Variants in ARHGEF16 observed in about 807,000 individuals in gnomAD.
The protein encoded by ARHGEF16 is Rho guanine exchange factor (GEF) 16.
A neutral mutation model predicts 74.1 loss-of-function variants in ARHGEF16; 59 were observed. That is an observed-to-expected ratio of 0.80 (90% CI 0.65 to 0.99). ARHGEF16 has a LOEUF of 0.99. ARHGEF16 is among the 50% of genes least tolerant of loss of function. ARHGEF16 has a pLI of 0.00. For synonymous variants in ARHGEF16, 415 were observed against 412.6 expected, an observed-to-expected ratio of 1.01 and a Z score of -0.07; for missense variants, 948 against 986.6, an observed-to-expected ratio of 0.96 and a Z score of 0.52.
Position 3,473,157 on chromosome 1 carries a change from G to A in ARHGEF16, c.1102G>A (p.Glu368Lys). 1 of 1,613,284 alleles carries A rather than the reference G, an allele frequency of 6.2e-7. No individual in the cohort carries two copies. The highest frequency in any genetic ancestry group is 1.3e-5 in the African/African-American group (1 of 75,062). The change falls in exon 7 of 15, where the codon GAG becomes AAG. Residue 368 changes from glutamate to lysine, a missense_variant. Physicochemically the swap from Glu to Lys is moderately conservative, Grantham distance 56. Coordinates refer to ENST00000378378, the MANE Select transcript of ARHGEF16 (RefSeq NM_014448.4). Reference protein sequence around the residue: ...DISDILEEHAEKHFHPYIAYC... With the variant: ...DISDILEEHAKKHFHPYIAYC... The stretch of plus-strand genomic sequence containing the variant: ...CAGTGACATCCTGGAGGAGCACGCT[G>A]AGAAGCACTTCCACCCCTACATCGC...
At chr1:3,462,102 G>A (rs1046693133) in intron 1 of ARHGEF16, among the ~76,000 whole-genome samples, 18 of 152,022 alleles carry the variant, frequency 1.2e-4, no homozygotes, top group African/African-American at 4.1e-4. Context: ...GTGTGGCGGG[G>A]GCGGGGCAGC....
chr1:3,467,260 G>A lies in ARHGEF16; in HGVS notation c.727G>A (p.Gly243Arg). ...CCTCGATGAGTCCTCCAGCCCCGAG[G>A]GAACCCAGAAGGTGGACGCCACCAT... ...DILDESSSPE[G>R]TQKVDATIVV... Residue 243 changes from glycine (G) to arginine (R), a missense_variant, in exon 4 of 15, where the codon GGA (glycine) becomes AGA (arginine). By Grantham distance (125) the Gly-to-Arg change is moderately radical. Coordinates refer to ENST00000378378, the MANE Select transcript of ARHGEF16 (RefSeq NM_014448.4). 1 of 1,550,500 alleles carries A rather than the reference G, an allele frequency of 6.4e-7. No individual in the cohort carries two copies.
chr1:3,462,543 C>T (rs978305848), intron 1 of ARHGEF16, among the ~76,000 whole-genome samples: 11 of 152,296 alleles, frequency 7.2e-5, no homozygotes, highest in African/African-American at 2.6e-4. Context: ...TGGCTGATGC[C>T]GGCCTCAGGA....
chr1:3,467,923 C>T (rs892492271), intron 4 of ARHGEF16, among the ~76,000 whole-genome samples: 5 of 151,944 alleles, frequency 3.3e-5, no homozygotes, highest in African/African-American at 9.7e-5. Context: ...GCGGGGAGGG[C>T]GGGCCCCCAC....
Position 3,468,916 on chromosome 1 carries a change from G to A in ARHGEF16, c.841G>A (p.Glu281Lys), listed in dbSNP as rs1435868096. ...GGGCATCCTGGACCAGCTCTCCACT[G>A]AGGAGCGGAAAAGGCAGGAGGTAAA... ...ELGILDQLSTEERKRQEAMFE... is the reference protein window; with the variant it reads ...ELGILDQLSTKERKRQEAMFE... The change falls in exon 5 of 15, where the codon GAG (glutamate) becomes AAG (lysine). Residue 281 changes from glutamate (E) to lysine (K), a missense_variant. Transcript: ENST00000378378. 1.3e-6 allele frequency: 2 copies of A among 1,550,344 alleles called. No homozygotes were observed. Among genetic ancestry groups the A allele is most frequent in the Admixed American group, 3.9e-5 (2 of 51,002 alleles).
Position 3,473,523 on chromosome 1 carries a change from GTAA to G in ARHGEF16, c.1305+2_1305+4del. Reference sequence around the variant, plus strand: ...GACCCGGCTGCCCCTCCTGATGGATGTAAGTCCACGGCCTGAGGGTGGGGCCGG... The same window carrying G: ...GACCCGGCTGCCCCTCCTGATGGATGGTCCACGGCCTGAGGGTGGGGCCGG... On this transcript the variant is annotated splice_donor_variant and splice_donor_region_variant and intron_variant, in intron 8 of 14. Coordinates refer to ENST00000378378, the MANE Select transcript of ARHGEF16 (RefSeq NM_014448.4). LOFTEE classifies it high-confidence loss of function. The G allele has an allele frequency of 6.2e-7, 1 of 1,606,988 alleles. No individual in the cohort carries two copies.
At chr1:3,472,408 C>A (rs1011302016) in intron 6 of ARHGEF16, among the ~76,000 whole-genome samples, 1 of 152,198 alleles carries the variant, frequency 6.6e-6, no homozygotes, top group Admixed American at 6.5e-5. Flanking sequence ...CTGGTAGCCC[C>A]TTCCAGGGAG....
At position 3,463,652 on chromosome 1, in the gene ARHGEF16, C is replaced by A; in HGVS notation, c.568C>A (p.Arg190=). The A allele has an allele frequency of 7.1e-7, 1 of 1,408,314 alleles. No homozygotes were observed. Among genetic ancestry groups the A allele is most frequent in the Non-Finnish European group, 9.3e-7 (1 of 1,075,032 alleles). The allele number at this position is 1,408,314 out of a possible 1,614,324, so 87.2% of individuals were successfully genotyped here. A position where few individuals can be genotyped will look rare whatever the true frequency, so the allele number is the denominator to read the frequency against. ...LAEEPSQPHT[R]SPAKNKKTLG... ...TGAGGAACCCAGCCAGCCTCATACTCGGAGCCCGGCCAAAAACAAGGTAGG... is the reference window on the plus strand; with the variant it reads ...TGAGGAACCCAGCCAGCCTCATACTAGGAGCCCGGCCAAAAACAAGGTAGG... The change falls in exon 2 of 15, where the codon CGG becomes AGG. Residue 190 remains arginine (R), a synonymous_variant. Transcript: ENST00000378378.
intron 13 of ARHGEF16, 92 bp from the exon 14 acceptor site, chr1:3,479,720 G>A (rs928660412): frequency 1.2e-5 from 18 of 1,559,682 alleles, no homozygotes; most frequent in South Asian, 3.4e-5. Flanking sequence ...GGGGTGCCCC[G>A]GCCCCGGGGG....
chr1:3,465,478 C>T (rs967658991), intron 2 of ARHGEF16, among the ~76,000 whole-genome samples: 2 of 149,548 alleles, frequency 1.3e-5, no homozygotes, highest in South Asian at 2.1e-4. Flanking sequence ...AGGTGGGGTG[C>T]GGGGCACGGG....
intron 1 of ARHGEF16, among the ~76,000 whole-genome samples, chr1:3,458,238 C>A (rs1195170741): frequency 6.6e-6 from 1 of 152,244 alleles, no homozygotes. Context: ...GGACAGCCAG[C>A]CAGCCAGCCT....
intron 1 of ARHGEF16, among the ~76,000 whole-genome samples, chr1:3,458,586 C>T (rs1429379399): frequency 6.6e-6 from 1 of 152,248 alleles, no homozygotes; most frequent in African/African-American, 2.4e-5. Flanking sequence ...GGTCAGACAC[C>T]TGTGCTCAGG....
At chr1:3,479,770 C>G (rs1196041392) in intron 13 of ARHGEF16, 42 bp from the exon 14 acceptor site, 2 of 1,598,710 alleles carry the variant, frequency 1.3e-6, no homozygotes, top group South Asian at 2.2e-5. Flanking sequence ...GAGCCTGGCC[C>G]ATGCCTCCCG....
chr1:3,467,509 G>A (rs776985482), intron 4 of ARHGEF16, among the ~76,000 whole-genome samples, 172 bp downstream of exon 4: 5 of 152,214 alleles, frequency 3.3e-5, no homozygotes, highest in Admixed American at 1.3e-4. Context: ...AGACCTGGGG[G>A]TCTCCCTCCT....
intron 3 of ARHGEF16, 42 bp downstream of exon 3, chr1:3,466,235 T>C: frequency 6.5e-7 from 1 of 1,528,090 alleles, no homozygotes. Flanking sequence ...GGGCTCCAGT[T>C]GAAACTGGTC....
At position 3,480,672 on chromosome 1, in the gene ARHGEF16, G is replaced by A. The variant is rs1422817181; in HGVS notation, c.*85G>A. On this transcript the variant is annotated 3_prime_UTR_variant, in exon 15 of 15. Transcript: ENST00000378378. ...TGGCTCTAGAGAGCGTGGGGAGCTG[G>A]TCTCAAGGACCCAGCATGGTTCCCT... is the stretch of plus-strand genomic sequence containing the variant. 1 of 1,518,254 alleles carries A rather than the reference G, an allele frequency of 6.6e-7. No individual in the cohort carries two copies. Among genetic ancestry groups the A allele is most frequent in the Non-Finnish European group, 8.8e-7 (1 of 1,132,054 alleles). The allele number at this position is 1,518,254 out of a possible 1,614,324, so 94.0% of individuals were successfully genotyped here.
intron 1 of ARHGEF16, among the ~76,000 whole-genome samples, chr1:3,455,569 A>G (rs1199985115): frequency 6.6e-6 from 1 of 152,102 alleles, no homozygotes; most frequent in Non-Finnish European, 1.5e-5. Flanking sequence ...AGTGGCAGCG[A>G]TGGCAGGTCT....
At chr1:3,472,442 C>T (rs1035720286) in intron 6 of ARHGEF16, among the ~76,000 whole-genome samples, 2 of 113,778 alleles carry the variant, frequency 1.8e-5, no homozygotes, top group Non-Finnish European at 1.7e-5. Context: ...CACAGCTGGC[C>T]CCCCCCCGGC....
chr1:3,476,147 AGCCTGAGGGCTGGAGAGTGGGTGCCTG>A (rs1250650672), intron 10 of ARHGEF16, 85 bp downstream of exon 10: 1 of 1,407,102 alleles, frequency 7.1e-7, no homozygotes, highest in Non-Finnish European at 9.7e-7. Flanking sequence ...CACACCCCTG[AGCCTGAGGGCTGGAGAGTGGGTGCCTG>A]CCCTCATGAG....
Sources: allele counts gnomAD v4.1 joint callset (sites outside exome capture counted in the v4.1 genomes callset), GRCh38; gene constraint gnomAD v4.1.1; transcripts MANE v1.5; gene names NCBI Gene and HGNC (gene_info 2026-07-23, HGNC 2026-07-21).